The following PLEKHH2 variants were observed in gnomAD, a reference collection of about 807,000 sequenced individuals.
PLEKHH2 encodes the protein pleckstrin homology domain-containing family H member 2.
PLEKHH2 carries 129 observed loss-of-function variants against 187.9 expected under a neutral mutation model. The observed-to-expected ratio is 0.69, with a 90% CI of 0.59 to 0.79. The LOEUF is 0.79. Among genes scored for constraint, PLEKHH2 ranks in the 30% least tolerant of loss-of-function variants. The probability of loss-of-function intolerance (pLI) is 0.00; values close to 1 mark genes in which losing one functional copy is unlikely to be tolerated. For synonymous variants in PLEKHH2, 686 were observed against 605.6 expected, an observed-to-expected ratio of 1.13 and a Z score of -1.95; for missense variants, 2,076 against 1,751.2, an observed-to-expected ratio of 1.19 and a Z score of -3.31.
At chr2:43,670,217 G>A (rs1202262679) in intron 2 of PLEKHH2, among the ~76,000 whole-genome samples, 1 of 152,166 alleles carries the variant, frequency 6.6e-6, no homozygotes, top group East Asian at 1.9e-4. Flanking sequence ...TTTATGCCAG[G>A]AGAACATGGA....
intron 8 of PLEKHH2, among the ~76,000 whole-genome samples, chr2:43,701,888 C>T (rs1028545056): frequency 6.6e-6 from 1 of 151,994 alleles, no homozygotes; most frequent in Non-Finnish European, 1.5e-5. Context: ...CTGCCTTAGC[C>T]TCCCAAGTAG....
intron 3 of PLEKHH2, among the ~76,000 whole-genome samples, chr2:43,687,856 G>A (rs1668596612): frequency 6.6e-6 from 1 of 151,986 alleles, no homozygotes; most frequent in Non-Finnish European, 1.5e-5. Flanking sequence ...GAGTGCAGCA[G>A]CATGATCATG....
At chr2:43,675,494 C>T in intron 2 of PLEKHH2, 1 of 1,613,962 alleles carries the variant, frequency 6.2e-7, no homozygotes, top group Non-Finnish European at 8.5e-7. Context: ...GGGGTCAGTC[C>T]ATTGAAAGTA....
intron 8 of PLEKHH2, 121 bp from the exon 9 acceptor site, chr2:43,703,860 T>C: frequency 1.5e-6 from 1 of 650,794 alleles, no homozygotes; most frequent in South Asian, 2.1e-5. Flanking sequence ...AATAATGCTG[T>C]ACTCTAGTGA....
intron 3 of PLEKHH2, among the ~76,000 whole-genome samples, chr2:43,684,907 A>G (rs1668425401): frequency 6.6e-6 from 1 of 151,944 alleles, no homozygotes; most frequent in East Asian, 1.9e-4. Flanking sequence ...TTTTGTCACA[A>G]CACTTTAAAT....
At chr2:43,658,625 G>C (rs1233150251) in intron 2 of PLEKHH2, 1 of 152,240 alleles carries the variant, frequency 6.6e-6, no homozygotes, top group African/African-American at 2.4e-5. Context: ...TTGGCTGTTG[G>C]TAGGAAGCCT....
At chr2:43,760,494 C>T (rs1229178451) in intron 27 of PLEKHH2, among the ~76,000 whole-genome samples, 1 of 151,578 alleles carries the variant, frequency 6.6e-6, no homozygotes, top group Non-Finnish European at 1.5e-5. Context: ...TTCCAAGTAG[C>T]TGGGATTACA....
At chr2:43,754,197 C>CA (rs1339971889) in intron 25 of PLEKHH2, among the ~76,000 whole-genome samples, 1,561 of 125,140 alleles carry the variant, frequency 0.012, 27 homozygotes, top group African/African-American at 0.036. Context: ...CACACACACA[C>CA]ACACACACAA....
At chr2:43,668,930 G>A (rs143373278) in intron 2 of PLEKHH2, among the ~76,000 whole-genome samples, 2,385 of 152,330 alleles carry the variant, frequency 0.016, 30 homozygotes, top group Non-Finnish European at 0.027. Flanking sequence ...ATGCACAAAG[G>A]TGGGGGAAGG....
intron 2 of PLEKHH2, among the ~76,000 whole-genome samples, chr2:43,666,822 T>TA (rs1255440020): frequency 6.6e-6 from 1 of 152,216 alleles, no homozygotes; most frequent in Non-Finnish European, 1.5e-5. Flanking sequence ...TCTTGAATTG[T>TA]AAAAATTCCT....
intron 24 of PLEKHH2, among the ~76,000 whole-genome samples, chr2:43,753,102 C>G (rs1672072776): frequency 6.6e-6 from 1 of 152,106 alleles, no homozygotes; most frequent in South Asian, 2.1e-4. Flanking sequence ...GTTTTGAAGA[C>G]TGGGTTTATA....
In PLEKHH2 at chr2:43,720,326, C is replaced by T. The variant is rs140131200; in HGVS notation, c.2461-343C>T. On this transcript the variant is annotated intron_variant, in intron 15 of 29. Coordinates refer to ENST00000282406, the MANE Select transcript of PLEKHH2 (RefSeq NM_172069.4). ...TTTTATTTTAGATATAGGGGGTGCA[C>T]GTGCAGGTTTGTTACATGTGAATAT... is the stretch of plus-strand genomic sequence containing the variant. 3.3e-3 allele frequency among the ~76,000 whole-genome samples: 496 copies of T among 150,900 alleles called. 1 individual carries two copies. The highest frequency in any genetic ancestry group is 0.011 in the African/African-American group (464 of 40,986).
chr2:43,698,733 G>C (rs1354791400), intron 7 of PLEKHH2, among the ~76,000 whole-genome samples: 1 of 152,140 alleles, frequency 6.6e-6, no homozygotes, highest in African/African-American at 2.4e-5. Context: ...TGAAGGTCCT[G>C]TCTATGTTTT....
At chr2:43,641,437 G>A (rs1473563154) in intron 1 of PLEKHH2, among the ~76,000 whole-genome samples, 2 of 152,064 alleles carry the variant, frequency 1.3e-5, no homozygotes, top group Non-Finnish European at 2.9e-5. Context: ...GCCCAGGATG[G>A]CTTTGAATGT....
At chr2:43,682,952 A>G (rs1668283555) in intron 3 of PLEKHH2, among the ~76,000 whole-genome samples, 1 of 151,898 alleles carries the variant, frequency 6.6e-6, no homozygotes, top group East Asian at 1.9e-4. Context: ...ACACACACAC[A>G]CACACACACA....
intron 2 of PLEKHH2, among the ~76,000 whole-genome samples, chr2:43,654,360 A>G (rs1666635801): frequency 6.6e-6 from 1 of 151,666 alleles, no homozygotes; most frequent in Non-Finnish European, 1.5e-5. Flanking sequence ...ACATCCAGCT[A>G]ATTTTTTTGT....
At chr2:43,697,466 G>A in intron 7 of PLEKHH2, 110 bp downstream of exon 7, 2 of 883,926 alleles carry the variant, frequency 2.3e-6, no homozygotes, top group East Asian at 2.8e-5. Flanking sequence ...CTGACAATTT[G>A]ATGTTTTATG....
intron 1 of PLEKHH2, among the ~76,000 whole-genome samples, chr2:43,638,320 T>A (rs1703216170): frequency 1.3e-5 from 2 of 152,090 alleles, no homozygotes; most frequent in African/African-American, 4.8e-5. Context: ...CCAGTTAAGC[T>A]GTCCCTTAAG....
At chr2:43,740,269 T>C (rs1034682798) in intron 20 of PLEKHH2, among the ~76,000 whole-genome samples, 1 of 152,192 alleles carries the variant, frequency 6.6e-6, no homozygotes, top group Non-Finnish European at 1.5e-5. Flanking sequence ...AAATGCAGTG[T>C]TTTATAGGAT....
Sources: allele counts gnomAD v4.1 joint callset (sites outside exome capture counted in the v4.1 genomes callset), GRCh38; gene constraint gnomAD v4.1.1; transcripts MANE v1.5; gene names NCBI Gene and HGNC (gene_info 2026-07-23, HGNC 2026-07-21).